KCNC1: variants seen among roughly 807,000 people sequenced by gnomAD.
The protein encoded by KCNC1 is voltage-gated potassium channel KCNC1.
In KCNC1, 8 loss-of-function variants were observed where a neutral mutation model predicts 43.4. The ratio of observed to expected loss-of-function variants is 0.18; its 90% CI spans 0.11 to 0.33. KCNC1 has a LOEUF of 0.33. KCNC1 is among the 10% of genes least tolerant of loss of function. The pLI is 1.00. For synonymous variants in KCNC1, 361 were observed against 360.5 expected (o/e 1.00, Z -0.01); for missense variants, 420 against 836.0 (o/e 0.50, Z 6.14).
At chr11:17,760,415 G>A (rs1041749147) in intron 1 of KCNC1, among the ~76,000 whole-genome samples, 1 of 152,166 alleles carries the variant, frequency 6.6e-6, no homozygotes, top group African/African-American at 2.4e-5. Context: ...GAGAGGGTGA[G>A]AGGAGACCCC....
In KCNC1 at chr11:17,771,749, G is replaced by A. The variant is rs955213839; in HGVS notation, c.655G>A (p.Val219Met). The stretch of plus-strand genomic sequence containing the variant: ...GACCCACGAGCGCTTCAACCCCATC[G>A]TGAACAAGACGGAGATCGAGAACGT... The part of the protein sequence containing the change: ...LETHERFNPI[V>M]NKTEIENVRN... The change falls in exon 2 of 4, where the codon GTG becomes ATG. Residue 219 changes from valine to methionine, a missense_variant. Physicochemically the swap from Val to Met is conservative, Grantham distance 21. Transcript: ENST00000265969. The surrounding 1 kb of genome is among the most constrained non-coding windows in gnomAD (Gnocchi z 4.7). 9.3e-6 allele frequency: 15 copies of A among 1,614,074 alleles called. No individual in the cohort carries two copies. The highest frequency in any genetic ancestry group is 4.0e-5 in the African/African-American group (3 of 74,936).
At chr11:17,748,234 A>G (rs1173066766) in intron 1 of KCNC1, among the ~76,000 whole-genome samples, 1 of 152,136 alleles carries the variant, frequency 6.6e-6, no homozygotes, top group Non-Finnish European at 1.5e-5. Flanking sequence ...CAAAGATTGA[A>G]GGAGGTGAGG....
At chr11:17,752,805 G>A (rs893468842) in intron 1 of KCNC1, among the ~76,000 whole-genome samples, 6 of 152,212 alleles carry the variant, frequency 3.9e-5, no homozygotes, top group Non-Finnish European at 8.8e-5. Flanking sequence ...TAAATGAGAT[G>A]GGGGCATGTC....
chr11:17,771,928 C>T lies in KCNC1; in HGVS notation c.834C>T (p.Leu278=). 5.6e-6 allele frequency: 9 copies of T among 1,614,252 alleles called. No individual in the cohort carries two copies. The highest frequency in any genetic ancestry group is 6.8e-6 in the Non-Finnish European group (8 of 1,180,038). ...PNKVEFIKNS[L]NIIDFVAILP... ...AGGTAGAGTTCATCAAGAACTCGCTCAACATCATTGACTTTGTGGCCATCC... is the reference window on the plus strand; with the variant it reads ...AGGTAGAGTTCATCAAGAACTCGCTTAACATCATTGACTTTGTGGCCATCC... Residue 278 remains leucine (L), a synonymous_variant, in exon 2 of 4, where the codon CTC becomes CTT. Transcript: ENST00000265969. The surrounding 1 kb of genome is among the most constrained non-coding windows in gnomAD (Gnocchi z 4.7).
chr11:17,755,392 GAA>G (rs1352915652), intron 1 of KCNC1, among the ~76,000 whole-genome samples: 1 of 152,120 alleles, frequency 6.6e-6, no homozygotes, highest in Non-Finnish European at 1.5e-5. Context: ...AAGCTGTGTT[GAA>G]AACAGTCCTA....
Position 17,771,140 on chromosome 11 carries a change from C to A in KCNC1, c.571-525C>A, listed in dbSNP as rs189011282. Among the ~76,000 whole-genome samples the A allele has an allele frequency of 3.3e-5, 5 of 152,290 alleles. No individual in the cohort carries two copies. The highest frequency in any genetic ancestry group is 1.2e-4 in the African/African-American group (5 of 41,560). Reference sequence around the variant, plus strand: ...GGAGGTACAGACCCATGGAAAAGAGCAAAGAGCCTGGAGTTGGGAGAACAA... The same window carrying A: ...GGAGGTACAGACCCATGGAAAAGAGAAAAGAGCCTGGAGTTGGGAGAACAA... On this transcript the variant is annotated intron_variant, in intron 1 of 3. Coordinates refer to ENST00000265969, the MANE Select transcript of KCNC1 (RefSeq NM_001112741.2). The surrounding 1 kb of genome is among the most constrained non-coding windows in gnomAD (Gnocchi z 4.7).
chr11:17,776,772 T>C lies in KCNC1; in HGVS notation c.1505-2684T>C, dbSNP rs1030878049. On this transcript the variant is annotated intron_variant, in intron 2 of 3. Coordinates refer to ENST00000265969, the MANE Select transcript of KCNC1 (RefSeq NM_001112741.2). This position sits in a 1 kb window ranked among gnomAD's most constrained non-coding sequence, Gnocchi z 4.4. ...CGGGGGCTCACACCTTTGACCCTAT[T>C]CATGGGTTCCCCAGATTTATACAGT... 1.4e-5 allele frequency: 14 copies of C among 984,970 alleles called. No individual in the cohort carries two copies. Among genetic ancestry groups the C allele is most frequent in the Non-Finnish European group, 1.7e-5 (14 of 829,862 alleles). The allele number at this position is 984,970 out of a possible 1,614,324, so 61.0% of individuals were successfully genotyped here. A position where few individuals can be genotyped will look rare whatever the true frequency, so the allele number is the denominator to read the frequency against.
chr11:17,735,969 C>G lies in KCNC1; in HGVS notation c.-34C>G. The G allele has an allele frequency of 7.1e-7, 1 of 1,406,634 alleles. No individual in the cohort carries two copies. Among genetic ancestry groups the G allele is most frequent in the Non-Finnish European group, 9.2e-7 (1 of 1,088,364 alleles). The allele number at this position is 1,406,634 out of a possible 1,614,324, so 87.1% of individuals were successfully genotyped here. On this transcript the variant is annotated 5_prime_UTR_variant, in exon 1 of 4. Coordinates refer to ENST00000265969, the MANE Select transcript of KCNC1 (RefSeq NM_001112741.2). This position sits in a 1 kb window ranked among gnomAD's most constrained non-coding sequence, Gnocchi z 6.7. ...CCCTGGCGGCCGCTCCCATGGGTGT[C>G]GCTGGGCCGCGCCATGCCTAAGGGG...
At position 17,776,197 on chromosome 11, in the gene KCNC1, C is replaced by T; in HGVS notation, c.1505-3259C>T. The T allele has an allele frequency of 2.0e-6, 2 of 985,462 alleles. No individual in the cohort carries two copies. The highest frequency in any genetic ancestry group is 2.4e-6 in the Non-Finnish European group (2 of 829,952). 61.0% of individuals were successfully genotyped at this position (985,462 alleles called of 1,614,324 possible). On this transcript the variant is annotated intron_variant, in intron 2 of 3. Coordinates refer to ENST00000265969, the MANE Select transcript of KCNC1 (RefSeq NM_001112741.2). The surrounding 1 kb of genome is among the most constrained non-coding windows in gnomAD (Gnocchi z 4.4). ...TGTTGTTCACATTTTCTCTCTTTCT[C>T]TCTCTCTCCACTAATCATGTTTCTC... is the stretch of plus-strand genomic sequence containing the variant.
At chr11:17,763,473 A>G (rs1401500100) in intron 1 of KCNC1, among the ~76,000 whole-genome samples, 2 of 151,520 alleles carry the variant, frequency 1.3e-5, no homozygotes, top group Non-Finnish European at 2.9e-5. Flanking sequence ...GCACATGCAC[A>G]CTCACACCCA....
intron 1 of KCNC1, among the ~76,000 whole-genome samples, chr11:17,770,957 G>GT (rs1242017915): frequency 6.6e-6 from 1 of 152,172 alleles, no homozygotes; most frequent in Non-Finnish European, 1.5e-5. Context: ...CTCTATTTGA[G>GT]TACCTCCAAG....
rs1208535045 is a variant in KCNC1 at position 17,773,706 on chromosome 11, A to G, written c.1504+1108A>G. 2.0e-6 allele frequency: 2 copies of G among 985,302 alleles called. No homozygotes were observed. Among genetic ancestry groups the G allele is most frequent in the Non-Finnish European group, 2.4e-6 (2 of 829,948 alleles). The allele number at this position is 985,302 out of a possible 1,614,324, so 61.0% of individuals were successfully genotyped here. A position where few individuals can be genotyped will look rare whatever the true frequency, so the allele number is the denominator to read the frequency against. The stretch of plus-strand genomic sequence containing the variant: ...AGTTGATCATGGGGCTCTGGTCCGA[A>G]GATATAAAGCCCATAGTCTACCTCT... On this transcript the variant is annotated intron_variant, in intron 2 of 3. Coordinates refer to ENST00000265969, the MANE Select transcript of KCNC1 (RefSeq NM_001112741.2). The surrounding 1 kb of genome is among the most constrained non-coding windows in gnomAD (Gnocchi z 4.1).
At chr11:17,751,994 C>T (rs1314273723) in intron 1 of KCNC1, among the ~76,000 whole-genome samples, 2 of 152,136 alleles carry the variant, frequency 1.3e-5, no homozygotes, top group Non-Finnish European at 2.9e-5. Context: ...GAGGAGGGGG[C>T]CCTCCTGAGG....
intron 1 of KCNC1, among the ~76,000 whole-genome samples, chr11:17,761,998 C>A (rs546636569): frequency 6.6e-6 from 1 of 152,288 alleles, no homozygotes; most frequent in African/African-American, 2.4e-5. Flanking sequence ...TCTACCCTTC[C>A]AGGGGCATGG....
Position 17,735,903 on chromosome 11 carries a change from G to C in KCNC1, c.-100G>C. 6 of 1,305,666 alleles carry C rather than the reference G, an allele frequency of 4.6e-6. No individual in the cohort carries two copies. The highest frequency in any genetic ancestry group is 5.9e-6 in the Non-Finnish European group (6 of 1,008,482). 80.9% of individuals were successfully genotyped at this position (1,305,666 alleles called of 1,614,324 possible). On this transcript the variant is annotated 5_prime_UTR_variant, in exon 1 of 4. Transcript: ENST00000265969. This position sits in a 1 kb window ranked among gnomAD's most constrained non-coding sequence, Gnocchi z 6.7. ...TGTTCCCCCCGACGGCTGGGGGGAGGGGGGAAGAGGGCGCGCGCCCCCCTC... is the reference window on the plus strand; with the variant it reads ...TGTTCCCCCCGACGGCTGGGGGGAGCGGGGAAGAGGGCGCGCGCCCCCCTC...
At chr11:17,746,796 AG>A (rs1848904129) in intron 1 of KCNC1, among the ~76,000 whole-genome samples, 1 of 152,006 alleles carries the variant, frequency 6.6e-6, no homozygotes, top group African/African-American at 2.4e-5. Context: ...GCAAGAGCAT[AG>A]CCCCTTGAAC....
intron 2 of KCNC1, chr11:17,774,859 A>T (rs1849267727): frequency 2.0e-6 from 2 of 985,044 alleles, no homozygotes; most frequent in Admixed American, 1.2e-4. Context: ...TGCTGTCCTG[A>T]TATCCTGACC....
rs1353504002 is a variant in KCNC1, at chr11:17,766,966, C to T, written c.571-4699C>T. ...GAAACCCCATCTCTACTAAAAAATA[C>T]CAAAAAAAAAAAAAAAAATTAGCCG... On this transcript the variant is annotated intron_variant, in intron 1 of 3. Transcript: ENST00000265969. Among the ~76,000 whole-genome samples the T allele has an allele frequency of 3.1e-4, 8 of 25,562 alleles. No homozygotes were observed. The Admixed American group carries it at 5.1e-3, about 16-fold the overall frequency. The allele number at this position is 25,562 out of a possible 152,430, so 16.8% of individuals were successfully genotyped here.
At position 17,777,589 on chromosome 11, in the gene KCNC1, GC is replaced by G; in HGVS notation, c.1505-1863del. ...AGCACACGTGTGTGCCTGCAGACAT[GC>G]CCCAAGACCCCAGAGACGCCCCGGC... On this transcript the variant is annotated intron_variant, in intron 2 of 3. Coordinates refer to ENST00000265969, the MANE Select transcript of KCNC1 (RefSeq NM_001112741.2). This position sits in a 1 kb window ranked among gnomAD's most constrained non-coding sequence, Gnocchi z 4.3. 1.0e-6 allele frequency: 1 copy of G among 985,856 alleles called. No individual in the cohort carries two copies. Among genetic ancestry groups the G allele is most frequent in the Non-Finnish European group, 1.2e-6 (1 of 829,944 alleles). The allele number at this position is 985,856 out of a possible 1,614,324, so 61.1% of individuals were successfully genotyped here. A position where few individuals can be genotyped will look rare whatever the true frequency, so the allele number is the denominator to read the frequency against.
Sources: allele counts gnomAD v4.1 joint callset (sites outside exome capture counted in the v4.1 genomes callset), GRCh38; gene constraint gnomAD v4.1.1; non-coding constraint Gnocchi (gnomAD v3.1); transcripts MANE v1.5; gene names NCBI Gene and HGNC (gene_info 2026-07-23, HGNC 2026-07-21).